Variants in ZCWPW2 observed in about 807,000 individuals in gnomAD.
The protein encoded by ZCWPW2 is zinc finger CW-type and PWWP domain containing 2.
A neutral mutation model predicts 46.6 loss-of-function variants in ZCWPW2; 45 were observed. The observed-to-expected ratio is 0.96, with a 90% CI of 0.76 to 1.24. The LOEUF (loss-of-function observed/expected upper bound fraction) is 1.24. Ranked by LOEUF, ZCWPW2 falls within the 50% of genes most tolerant of loss-of-function variation. ZCWPW2 has a pLI of 0.00. For synonymous variants in ZCWPW2, 152 were observed against 137.1 expected, an observed-to-expected ratio of 1.11 and a Z score of -0.76; for missense variants, 429 against 403.9, an observed-to-expected ratio of 1.06 and a Z score of -0.53.
chr3:28,417,438 A>G (rs58612480), intron 3 of ZCWPW2, among the ~76,000 whole-genome samples: 1,685 of 152,258 alleles, frequency 0.011, 27 homozygotes, highest in African/African-American at 0.03. Flanking sequence ...CCAGAGGTAC[A>G]AGGAGGACCT....
chr3:28,413,530 A>G, intron 3 of ZCWPW2, 130 bp downstream of exon 3: 2 of 799,508 alleles, frequency 2.5e-6, no homozygotes, highest in Non-Finnish European at 3.7e-6. Flanking sequence ...GCTCTTTTCC[A>G]TACTTCTTTG....
chr3:28,445,891 C>T (rs893775920), intron 4 of ZCWPW2, among the ~76,000 whole-genome samples: 3 of 151,894 alleles, frequency 2.0e-5, no homozygotes, highest in South Asian at 4.1e-4. Context: ...GGTTGCTATA[C>T]TAATATTGGA....
chr3:28,403,803 C>G (rs531200051), intron 2 of ZCWPW2, among the ~76,000 whole-genome samples: 2 of 152,280 alleles, frequency 1.3e-5, no homozygotes, highest in African/African-American at 2.4e-5. Context: ...AAAGGACACT[C>G]TTTTCAACAA....
intron 1 of ZCWPW2, among the ~76,000 whole-genome samples, chr3:28,379,950 AT>A (rs1559480157): frequency 3.9e-5 from 6 of 151,966 alleles, no homozygotes. Context: ...GTTTATTTTT[AT>A]TTTTAATGTT....
At chr3:28,365,741 A>G (rs1230181360) in intron 1 of ZCWPW2, among the ~76,000 whole-genome samples, 2 of 140,990 alleles carry the variant, frequency 1.4e-5, no homozygotes, top group Admixed American at 7.6e-5. Flanking sequence ...CTTGGGCAGT[A>G]TGGCCATTTT....
intron 4 of ZCWPW2, among the ~76,000 whole-genome samples, chr3:28,454,398 C>T (rs1184730475): frequency 6.6e-6 from 1 of 152,094 alleles, no homozygotes; most frequent in African/African-American, 2.4e-5. Context: ...GGATTTCCTC[C>T]TTTGTTATCT....
chr3:28,479,659 A>G (rs529644288), intron 5 of ZCWPW2, among the ~76,000 whole-genome samples: 1 of 152,224 alleles, frequency 6.6e-6, no homozygotes, highest in Admixed American at 6.5e-5. Context: ...ATTTTTCCTG[A>G]TCCTTTTCCT....
chr3:28,487,019 T>C (rs953503432), intron 5 of ZCWPW2, among the ~76,000 whole-genome samples: 2 of 152,168 alleles, frequency 1.3e-5, no homozygotes, highest in Non-Finnish European at 2.9e-5. Flanking sequence ...TAAGTTTTTT[T>C]TTCTCTGACT....
At chr3:28,384,101 T>A (rs1695192144) in intron 1 of ZCWPW2, among the ~76,000 whole-genome samples, 1 of 152,170 alleles carries the variant, frequency 6.6e-6, no homozygotes, top group African/African-American at 2.4e-5. Context: ...TAAATTTGGG[T>A]AATACATTTC....
intron 1 of ZCWPW2, among the ~76,000 whole-genome samples, chr3:28,382,162 CA>C (rs1237903671): frequency 0.01 from 829 of 81,396 alleles, 4 homozygotes; most frequent in African/African-American, 0.022. Flanking sequence ...AACTGCATCT[CA>C]AAAAAAAAAA....
chr3:28,378,165 T>A (rs1705561965), intron 1 of ZCWPW2, among the ~76,000 whole-genome samples: 1 of 152,040 alleles, frequency 6.6e-6, no homozygotes, highest in Admixed American at 6.5e-5. Context: ...TTTTGTAGGA[T>A]CATTAAGTAT....
At chr3:28,409,800 T>C (rs1696325850) in intron 2 of ZCWPW2, among the ~76,000 whole-genome samples, 1 of 151,816 alleles carries the variant, frequency 6.6e-6, no homozygotes, top group South Asian at 2.1e-4. Flanking sequence ...AAGGAGAAAA[T>C]AAGTAAAGAA....
intron 2 of ZCWPW2, among the ~76,000 whole-genome samples, chr3:28,404,612 A>G (rs1428229196): frequency 1.3e-5 from 2 of 152,200 alleles, no homozygotes; most frequent in African/African-American, 4.8e-5. Context: ...TCACAAAAAC[A>G]TGGAACCAAC....
chr3:28,487,693 G>A (rs897631417), intron 5 of ZCWPW2, among the ~76,000 whole-genome samples: 2 of 152,140 alleles, frequency 1.3e-5, no homozygotes, highest in Non-Finnish European at 1.5e-5. Context: ...TGGGCATGAT[G>A]TTCTGGGTAA....
intron 3 of ZCWPW2, among the ~76,000 whole-genome samples, chr3:28,433,003 G>A (rs562119570): frequency 6.6e-6 from 1 of 152,126 alleles, no homozygotes; most frequent in African/African-American, 2.4e-5. Context: ...TATGGTATCA[G>A]ATAATCCTCA....
At chr3:28,496,314 T>G (rs1699990869) in intron 6 of ZCWPW2, among the ~76,000 whole-genome samples, 1 of 152,066 alleles carries the variant, frequency 6.6e-6, no homozygotes, top group Non-Finnish European at 1.5e-5. Context: ...TCACTGAATT[T>G]TTAAAAATAA....
At chr3:28,405,903 A>G (rs1696139076) in intron 2 of ZCWPW2, among the ~76,000 whole-genome samples, 1 of 152,210 alleles carries the variant, frequency 6.6e-6, no homozygotes, top group African/African-American at 2.4e-5. Flanking sequence ...ATAGACAGTA[A>G]AGACCATTTA....
At chr3:28,505,985 T>C (rs986761560) in intron 6 of ZCWPW2, among the ~76,000 whole-genome samples, 1 of 151,094 alleles carries the variant, frequency 6.6e-6, no homozygotes, top group Non-Finnish European at 1.5e-5. Flanking sequence ...ATAAATCTAA[T>C]GTAAACACAG....
At chr3:28,349,297 G>A in intron 1 of ZCWPW2, 94 bp downstream of exon 1, 2 of 788,522 alleles carry the variant, frequency 2.5e-6, no homozygotes, top group Non-Finnish European at 1.5e-6. Flanking sequence ...TCCTTTTGGG[G>A]GGTCCCCGGG....
Sources: allele counts gnomAD v4.1 joint callset (sites outside exome capture counted in the v4.1 genomes callset), GRCh38; gene constraint gnomAD v4.1.1; transcripts MANE v1.5; gene names NCBI Gene and HGNC (gene_info 2026-07-23, HGNC 2026-07-21).